The following DLGAP4 variants were observed in gnomAD, a reference collection of about 807,000 sequenced individuals.
The protein encoded by DLGAP4 is DLG associated protein 4.
A neutral mutation model predicts 86.9 loss-of-function variants in DLGAP4; 18 were observed. The ratio of observed to expected loss-of-function variants is 0.21; its 90% CI spans 0.14 to 0.31. The LOEUF is 0.31. Ranked by LOEUF, DLGAP4 falls within the 10% of genes least tolerant of loss-of-function variation. The pLI, the probability that DLGAP4 is intolerant of heterozygous loss-of-function variation, is 1.00. For missense variants in DLGAP4, 1,085 were observed against 1,362.6 expected, an observed-to-expected ratio of 0.80 and a Z score of 3.21; for synonymous variants, 548 against 574.3, an observed-to-expected ratio of 0.95 and a Z score of 0.65.
chr20:36,516,330 T>TG (rs901223081), intron 10 of DLGAP4, among the ~76,000 whole-genome samples: 1 of 152,154 alleles, frequency 6.6e-6, no homozygotes, highest in Non-Finnish European at 1.5e-5. Flanking sequence ...TATAACTTGT[T>TG]GTAGGATTCT....
intron 7 of DLGAP4, among the ~76,000 whole-genome samples, chr20:36,489,709 C>G (rs995420081): frequency 1.3e-5 from 2 of 151,972 alleles, no homozygotes; most frequent in Non-Finnish European, 2.9e-5. Context: ...GGCTCCAGAT[C>G]ACGGGGAGAA....
At position 36,338,351 on chromosome 20, in the gene DLGAP4, C is replaced by T. The variant is rs936061949; in HGVS notation, c.-303-28694C>T. Among the ~76,000 whole-genome samples, 12 of 152,208 alleles carry T rather than the reference C, an allele frequency of 7.9e-5. No homozygotes were observed. In the East Asian group the frequency reaches 2.3e-3, roughly 29 times the overall value. ...CCAAGGTGGGCAGATCACCTGAGGTCGGGAGTTCAAGACCAGCCTGAGCAA... is the reference window on the plus strand; with the variant it reads ...CCAAGGTGGGCAGATCACCTGAGGTTGGGAGTTCAAGACCAGCCTGAGCAA... On this transcript the variant is annotated intron_variant, in intron 1 of 12. Transcript: ENST00000339266.
intron 2 of DLGAP4, among the ~76,000 whole-genome samples, chr20:36,383,679 G>A (rs2031483769): frequency 2.6e-5 from 4 of 151,938 alleles, no homozygotes; most frequent in Admixed American, 2.6e-4. Flanking sequence ...GATGCAAATA[G>A]AAATAGACCT....
chr20:36,461,751 G>GGCCCCCC, intron 7 of DLGAP4: 7 of 618,792 alleles, frequency 1.1e-5, no homozygotes, highest in Non-Finnish European at 1.3e-5. Context: ...CCGTCCGTCC[G>GGCCCCCC]CCCGCCCGCC....
At position 36,523,791 on chromosome 20, in the gene DLGAP4, G is replaced by A. The variant is rs142433689; in HGVS notation, c.2513-459G>A. Among the ~76,000 whole-genome samples, 847 of 152,200 alleles carry A rather than the reference G, an allele frequency of 5.6e-3. 7 individuals carry two copies. The highest frequency in any genetic ancestry group is 0.019 in the African/African-American group (795 of 41,510). On this transcript the variant is annotated intron_variant, in intron 10 of 12. Transcript: ENST00000339266. ...TGATTCTCCTGCCTCAGCCTCCTGA[G>A]TAGCTGGGATTACAGGCATCTGCCA...
chr20:36,404,835 A>C (rs1340937570), intron 2 of DLGAP4, among the ~76,000 whole-genome samples: 1 of 152,260 alleles, frequency 6.6e-6, no homozygotes, highest in African/African-American at 2.4e-5. Context: ...TGCAGAGCCC[A>C]CCAGTCCCAT....
chr20:36,340,331 C>A (rs907902305), intron 1 of DLGAP4, among the ~76,000 whole-genome samples: 2 of 152,098 alleles, frequency 1.3e-5, no homozygotes, highest in Non-Finnish European at 2.9e-5. Context: ...CATGCCGCAC[C>A]CACACTGCAG....
rs1156543199 is a variant in DLGAP4 at position 36,318,106 on chromosome 20, TCACACACACACACACA to T, written c.-304+11631_-304+11646del. 2.2e-3 allele frequency among the ~76,000 whole-genome samples: 312 copies of T among 139,222 alleles called. 2 individuals are homozygous for T. Among genetic ancestry groups the T allele is most frequent in the Middle Eastern group, 0.011 (3 of 274 alleles). 91.3% of individuals were successfully genotyped at this position (139,222 alleles called of 152,430 possible). A position where few individuals can be genotyped will look rare whatever the true frequency, so the allele number is the denominator to read the frequency against. ...TTAAAGCAGTAATAAATGTGTCCTCTCACACACACACACACACACACACACACACACACACACACAC... is the reference window on the plus strand; with the variant it reads ...TTAAAGCAGTAATAAATGTGTCCTCTCACACACACACACACACACACACAC... On this transcript the variant is annotated intron_variant, in intron 1 of 12. Transcript: ENST00000339266.
chr20:36,390,909 T>G (rs896901155), intron 2 of DLGAP4, among the ~76,000 whole-genome samples: 7 of 152,062 alleles, frequency 4.6e-5, no homozygotes, highest in Admixed American at 4.6e-4. Flanking sequence ...AGGTTGAACC[T>G]TGACCCTGAC....
chr20:36,501,359 C>T (rs1315214747), intron 10 of DLGAP4, among the ~76,000 whole-genome samples: 1 of 152,256 alleles, frequency 6.6e-6, no homozygotes, highest in East Asian at 1.9e-4. Flanking sequence ...AGCCACCACA[C>T]TCAGCCAACA....
chr20:36,510,091 C>T (rs2147808892), intron 10 of DLGAP4, among the ~76,000 whole-genome samples: 1 of 152,190 alleles, frequency 6.6e-6, no homozygotes, highest in Admixed American at 6.5e-5. Flanking sequence ...CCTGCCTCAG[C>T]CTCCCAAAGT....
At chr20:36,506,530 T>G (rs2036382528) in intron 10 of DLGAP4, among the ~76,000 whole-genome samples, 1 of 152,152 alleles carries the variant, frequency 6.6e-6, no homozygotes, top group Non-Finnish European at 1.5e-5. Context: ...AATACATAGG[T>G]CAGGGAACTC....
chr20:36,327,268 G>A (rs1178393163), intron 1 of DLGAP4, among the ~76,000 whole-genome samples: 1 of 151,968 alleles, frequency 6.6e-6, no homozygotes, highest in African/African-American at 2.4e-5. Flanking sequence ...CCAAAGTGCT[G>A]GGATTACAGG....
In DLGAP4 at chr20:36,517,105, G is replaced by A. The variant is rs536537181; in HGVS notation, c.2513-7145G>A. On this transcript the variant is annotated intron_variant, in intron 10 of 12. Coordinates refer to ENST00000339266, the MANE Select transcript of DLGAP4 (RefSeq NM_001365621.2). ...AAAAAAAAGAAAGAAAAGGCTGGACGCAGTGCCTCACGCCTGTAATCCCAG... is the reference window on the plus strand; with the variant it reads ...AAAAAAAAGAAAGAAAAGGCTGGACACAGTGCCTCACGCCTGTAATCCCAG... Among the ~76,000 whole-genome samples, 12 of 151,356 alleles carry A rather than the reference G, an allele frequency of 7.9e-5. No individual in the cohort carries two copies. The East Asian group carries it at 2.0e-3, about 26-fold the overall frequency.
intron 2 of DLGAP4, among the ~76,000 whole-genome samples, chr20:36,373,772 C>G (rs911050720): frequency 1.3e-5 from 2 of 152,132 alleles, no homozygotes; most frequent in African/African-American, 4.8e-5. Context: ...GTGGCTCATG[C>G]CCGTAATCCC....
intron 7 of DLGAP4, among the ~76,000 whole-genome samples, chr20:36,468,501 G>C (rs574656325): frequency 1.1e-4 from 16 of 152,380 alleles, no homozygotes; most frequent in African/African-American, 3.8e-4. Context: ...CCAGGAAATT[G>C]ATGGCTTGGC....
chr20:36,447,224 C>T (rs1041378931), intron 7 of DLGAP4, among the ~76,000 whole-genome samples: 1 of 152,180 alleles, frequency 6.6e-6, no homozygotes, highest in South Asian at 2.1e-4. Context: ...TGGCTCAGAG[C>T]AGCCACCTGC....
chr20:36,325,967 C>G (rs782381397), intron 1 of DLGAP4, among the ~76,000 whole-genome samples: 1 of 152,144 alleles, frequency 6.6e-6, no homozygotes, highest in African/African-American at 2.4e-5. Flanking sequence ...ATCCTCCCAG[C>G]TCGGCCTCCC....
At chr20:36,516,828 T>G (rs1874970557) in intron 10 of DLGAP4, among the ~76,000 whole-genome samples, 2 of 152,038 alleles carry the variant, frequency 1.3e-5, no homozygotes, top group Non-Finnish European at 2.9e-5. Flanking sequence ...TAGTGGCTTA[T>G]GCCTGTAGTC....
Sources: allele counts gnomAD v4.1 joint callset (sites outside exome capture counted in the v4.1 genomes callset), GRCh38; gene constraint gnomAD v4.1.1; transcripts MANE v1.5; gene names NCBI Gene and HGNC (gene_info 2026-07-23, HGNC 2026-07-21).